The following MTMR8 variants were observed in gnomAD, a reference collection of about 807,000 sequenced individuals.
MTMR8 encodes myotubularin related protein 8.
MTMR8 carries 65 observed loss-of-function variants against 39.3 expected under a neutral mutation model. That is an observed-to-expected ratio of 1.65 (90% CI 1.35 to 2.03). The LOEUF is 2.03. Ranked by LOEUF, MTMR8 falls within the 30% of genes most tolerant of loss-of-function variation. The pLI is 0.00. For missense variants in MTMR8, 777 were observed against 538.9 expected (o/e 1.44, Z -4.37); for synonymous variants, 245 against 185.2 (o/e 1.32, Z -2.62).
chrX:64,355,029 G>C, intron 3 of MTMR8, 95 bp from the exon 4 acceptor site: 1 of 812,767 alleles, frequency 1.2e-6, no homozygotes, highest in Admixed American at 4.1e-5. Context: ...CTTTTCCTAA[G>C]GGAATGTTTG....
At chrX:64,274,797 GC>G (rs1471917986) in intron 12 of MTMR8, among the ~76,000 whole-genome samples, 1 of 112,034 alleles carries the variant, frequency 8.9e-6, no homozygotes, top group African/African-American at 3.2e-5. Flanking sequence ...AGTGAAATAA[GC>G]CAGACACAGA....
At chrX:64,302,237 C>T (rs1479492818) in intron 12 of MTMR8, among the ~76,000 whole-genome samples, 4 of 112,623 alleles carry the variant, frequency 3.6e-5, no homozygotes, top group Non-Finnish European at 5.6e-5. Context: ...GCGTAGGACC[C>T]TCCGAGCCAG....
At chrX:64,286,600 A>G (rs187401076) in intron 12 of MTMR8, among the ~76,000 whole-genome samples, 71 of 111,974 alleles carry the variant, frequency 6.3e-4, no homozygotes, top group African/African-American at 2.2e-3. Flanking sequence ...AGCACACCAA[A>G]AAGCTTATCC....
intron 12 of MTMR8, among the ~76,000 whole-genome samples, chrX:64,308,210 C>T (rs994597601): frequency 7.3e-5 from 8 of 109,466 alleles, no homozygotes; most frequent in African/African-American, 2.0e-4. Flanking sequence ...TTTGACGAAG[C>T]ATAATACTTT....
chrX:64,286,088 T>C (rs754108706), intron 12 of MTMR8, among the ~76,000 whole-genome samples: 34 of 110,865 alleles, frequency 3.1e-4, no homozygotes, highest in Non-Finnish European at 5.1e-4. Context: ...GCAAGACTAA[T>C]AAAGAATAAA....
At chrX:64,335,959 G>A in intron 10 of MTMR8, 120 bp downstream of exon 10, 14 of 476,380 alleles carry the variant, frequency 2.9e-5, no homozygotes. Context: ...TTGATGAAAA[G>A]AGATTTATGC....
intron 12 of MTMR8, among the ~76,000 whole-genome samples, chrX:64,302,466 G>T (rs1316765803): frequency 8.9e-6 from 1 of 111,959 alleles, no homozygotes; most frequent in Non-Finnish European, 1.9e-5. Flanking sequence ...CCCACTGTCT[G>T]GCACTCCCTA....
intron 12 of MTMR8, among the ~76,000 whole-genome samples, chrX:64,289,663 T>TAAAAAAAAAAAAAAAAAAAAAAAAAA (rs1921332572): frequency 1.2e-5 from 1 of 83,008 alleles, no homozygotes; most frequent in African/African-American, 7.4e-5. Flanking sequence ...AAAAAAAAAT[T>TAAAAAAAAAAAAAAAAAAAAAAAAAA]AAGTTGGGAG....
chrX:64,383,409 T>A (rs1476771344), intron 1 of MTMR8, among the ~76,000 whole-genome samples: 2 of 108,996 alleles, frequency 1.8e-5, no homozygotes, highest in Non-Finnish European at 3.8e-5. Flanking sequence ...AACCAAAAAT[T>A]ATATATATGA....
chrX:64,269,882 T>C (rs925443220), intron 13 of MTMR8, among the ~76,000 whole-genome samples: 4 of 111,747 alleles, frequency 3.6e-5, no homozygotes, highest in Non-Finnish European at 7.5e-5. Context: ...CACACATACA[T>C]AAAAACACAT....
intron 1 of MTMR8, among the ~76,000 whole-genome samples, chrX:64,378,692 C>G (rs1274876439): frequency 1.8e-5 from 2 of 111,806 alleles, no homozygotes; most frequent in Non-Finnish European, 3.8e-5. Context: ...TATATTAGAA[C>G]AAAGAAAAAT....
intron 11 of MTMR8, among the ~76,000 whole-genome samples, chrX:64,329,216 C>T (rs1296207590): frequency 9.0e-6 from 1 of 111,087 alleles, no homozygotes; most frequent in Non-Finnish European, 1.9e-5. Flanking sequence ...TTTTTCTGGG[C>T]CTATTTCCTC....
chrX:64,277,147 T>A (rs1393452061), intron 12 of MTMR8, among the ~76,000 whole-genome samples: 2 of 111,841 alleles, frequency 1.8e-5, no homozygotes, highest in Non-Finnish European at 3.8e-5. Context: ...TGTCTTTGCA[T>A]GTGAGATGGG....
chrX:64,372,141 T>C (rs1924145224), intron 1 of MTMR8, among the ~76,000 whole-genome samples: 2 of 105,854 alleles, frequency 1.9e-5, no homozygotes, highest in Non-Finnish European at 3.8e-5. Flanking sequence ...ACTTTTTTAT[T>C]ATTAAATAAT....
intron 1 of MTMR8, among the ~76,000 whole-genome samples, chrX:64,389,796 C>T (rs776658524): frequency 2.5e-4 from 28 of 112,086 alleles, no homozygotes; most frequent in Non-Finnish European, 4.5e-4. Context: ...TTATCTTAAT[C>T]TTCATCATAG....
chrX:64,328,101 A>G (rs1922846899), intron 12 of MTMR8, among the ~76,000 whole-genome samples: 1 of 112,041 alleles, frequency 8.9e-6, no homozygotes, highest in African/African-American at 3.2e-5. Context: ...AGCTAACATC[A>G]ATACTCAATA....
chrX:64,389,546 A>G (rs779901804), intron 1 of MTMR8, among the ~76,000 whole-genome samples: 1 of 111,801 alleles, frequency 8.9e-6, no homozygotes, highest in African/African-American at 3.3e-5. Context: ...CAATGCCTAT[A>G]AAACAGTGTC....
intron 12 of MTMR8, among the ~76,000 whole-genome samples, chrX:64,300,152 A>G (rs12380932): frequency 9.4e-5 from 10 of 105,846 alleles, no homozygotes; most frequent in Non-Finnish European, 1.6e-4. Context: ...TTTCTGTCTC[A>G]TTGATCTGTC....
At chrX:64,321,861 C>T (rs746376711) in intron 12 of MTMR8, among the ~76,000 whole-genome samples, 1 of 111,604 alleles carries the variant, frequency 9.0e-6, no homozygotes, top group Non-Finnish European at 1.9e-5. Context: ...AAGTTTTTAT[C>T]ATGAAGAGAT....
Sources: gnomAD v4.1 joint callset for allele counts (sites outside exome capture counted in the v4.1 genomes callset) on GRCh38, gnomAD v4.1.1 for gene constraint, MANE v1.5 for transcripts, NCBI Gene and HGNC (gene_info 2026-07-23, HGNC 2026-07-21) for gene names.